Variants in RIN2 observed in about 807,000 individuals in gnomAD.
RIN2 encodes the protein RAB5 interacting protein 2.
Under a neutral mutation model 78.0 loss-of-function variants are expected in RIN2, and 36 were observed. The observed-to-expected ratio is 0.46, with a 90% CI of 0.35 to 0.61. RIN2 has a LOEUF of 0.61. RIN2 is among the 20% of genes least tolerant of loss of function. The pLI is 0.00. For missense variants in RIN2, 1,087 were observed against 1,159.7 expected, an observed-to-expected ratio of 0.94 and a Z score of 0.91; for synonymous variants, 466 against 466.8, an observed-to-expected ratio of 1.00 and a Z score of 0.02.
chr20:19,934,030 G>A (rs1197405214), intron 3 of RIN2, among the ~76,000 whole-genome samples: 2 of 152,000 alleles, frequency 1.3e-5, no homozygotes, highest in Non-Finnish European at 2.9e-5. Flanking sequence ...GGCTGGTCTT[G>A]AACTCCTGAC....
intron 2 of RIN2, among the ~76,000 whole-genome samples, chr20:19,885,980 G>A (rs6081795): frequency 0.027 from 4,158 of 152,060 alleles, 76 homozygotes; most frequent in African/African-American, 0.035. Flanking sequence ...GATGGGAAGG[G>A]TGGGGAAGGG....
rs1038354154 is a variant in RIN2, at chr20:19,894,494, C to T, written c.57+4836C>T. Among the ~76,000 whole-genome samples the T allele has an allele frequency of 5.3e-5, 8 of 152,286 alleles. No individual in the cohort carries two copies. The South Asian group carries it at 1.5e-3, about 28-fold the overall frequency. On this transcript the variant is annotated intron_variant, in intron 3 of 12. Coordinates refer to ENST00000255006, the MANE Select transcript of RIN2 (RefSeq NM_018993.4). ...CTCAAACTCCTAGCTTGAAGCAATC[C>T]TCCTGCTTTGGCTTCCCAAATCCCT... is the stretch of plus-strand genomic sequence containing the variant.
Position 19,943,975 on chromosome 20 carries a change from CTTTTT to C in RIN2, c.158+8799_158+8803del, listed in dbSNP as rs58524523. Among the ~76,000 whole-genome samples, 1,524 of 95,820 alleles carry C rather than the reference CTTTTT, an allele frequency of 0.016. 54 individuals carry two copies. The East Asian group carries it at 0.17, about 11-fold the overall frequency. 62.9% of individuals were successfully genotyped at this position (95,820 alleles called of 152,430 possible). On this transcript the variant is annotated intron_variant, in intron 4 of 12. Coordinates refer to ENST00000255006, the MANE Select transcript of RIN2 (RefSeq NM_018993.4). ...ACATGTTTAATTCCATTTCAATATC[CTTTTT>C]TTTTTTTTTTTTTTTTTTTTTTACC...
intron 5 of RIN2, among the ~76,000 whole-genome samples, chr20:19,957,368 G>A (rs1176790681): frequency 6.6e-6 from 1 of 152,160 alleles, no homozygotes; most frequent in African/African-American, 2.4e-5. Context: ...TCCACGACTT[G>A]TGGAAGGTCC....
chr20:19,872,367 A>G (rs1428547374), intron 2 of RIN2: 1 of 152,232 alleles, frequency 6.6e-6, no homozygotes, highest in African/African-American at 2.4e-5. Context: ...AATAGGCAGA[A>G]TTTGGATATA....
At chr20:19,840,824 A>G (rs895868179) in intron 2 of RIN2, among the ~76,000 whole-genome samples, 4 of 152,186 alleles carry the variant, frequency 2.6e-5, no homozygotes, top group Non-Finnish European at 5.9e-5. Flanking sequence ...AGAGCAATTG[A>G]TGAACAAATG....
chr20:19,785,556 T>A (rs554477091), intron 1 of RIN2, among the ~76,000 whole-genome samples: 1 of 152,284 alleles, frequency 6.6e-6, no homozygotes, highest in South Asian at 2.1e-4. Context: ...CCTTTTCCCA[T>A]CCACAGGCCT....
chr20:19,795,528 C>A (rs1188855179), intron 1 of RIN2, among the ~76,000 whole-genome samples: 1 of 151,926 alleles, frequency 6.6e-6, no homozygotes, highest in Admixed American at 6.6e-5. Context: ...TTTTTTATTG[C>A]CCTCTATTTT....
At chr20:19,826,999 G>C (rs2036112007) in intron 2 of RIN2, among the ~76,000 whole-genome samples, 1 of 126,632 alleles carries the variant, frequency 7.9e-6, no homozygotes, top group South Asian at 2.6e-4. Flanking sequence ...TTTTGAGACA[G>C]AGTTTCGCTC....
At chr20:19,804,694 A>G (rs1317775639) in intron 2 of RIN2, among the ~76,000 whole-genome samples, 1 of 152,200 alleles carries the variant, frequency 6.6e-6, no homozygotes, top group Non-Finnish European at 1.5e-5. Flanking sequence ...TTTTGGTATC[A>G]GGATTATGCT....
At chr20:19,797,055 G>C (rs756000886) in intron 1 of RIN2, among the ~76,000 whole-genome samples, 1 of 152,186 alleles carries the variant, frequency 6.6e-6, no homozygotes, top group Non-Finnish European at 1.5e-5. Context: ...GAGTGAAAGA[G>C]ATTGGAATAA....
At chr20:19,817,033 A>C (rs1045078673) in intron 2 of RIN2, among the ~76,000 whole-genome samples, 2 of 152,168 alleles carry the variant, frequency 1.3e-5, no homozygotes, top group Non-Finnish European at 2.9e-5. Flanking sequence ...GGAGACAAGA[A>C]GTGTGTACAT....
At chr20:19,883,953 T>C (rs1428996627) in intron 2 of RIN2, among the ~76,000 whole-genome samples, 1 of 151,538 alleles carries the variant, frequency 6.6e-6, no homozygotes, top group Non-Finnish European at 1.5e-5. Flanking sequence ...CCTAATTACA[T>C]TTTTAAAATA....
intron 2 of RIN2, among the ~76,000 whole-genome samples, chr20:19,888,525 C>G (rs1225724826): frequency 6.6e-6 from 1 of 152,246 alleles, no homozygotes; most frequent in Non-Finnish European, 1.5e-5. Flanking sequence ...TGCCTACCCA[C>G]CCCTGCAGCT....
At chr20:19,893,877 A>T (rs768327129) in intron 3 of RIN2, among the ~76,000 whole-genome samples, 30 of 152,314 alleles carry the variant, frequency 2.0e-4, no homozygotes, top group Non-Finnish European at 4.0e-4. Flanking sequence ...GTTTGAAACC[A>T]GCCTGGCCAA....
At chr20:19,926,743 A>G (rs187644514) in intron 3 of RIN2, among the ~76,000 whole-genome samples, 115 of 152,308 alleles carry the variant, frequency 7.6e-4, no homozygotes, top group Admixed American at 2.3e-3. Flanking sequence ...GACTTTTCCC[A>G]CACCCTAAGT....
intron 1 of RIN2, 70 bp from the exon 2 acceptor site, chr20:19,799,552 C>G (rs1030818258): frequency 6.6e-6 from 1 of 152,154 alleles, no homozygotes; most frequent in African/African-American, 2.4e-5. Flanking sequence ...GAAGCAAGTC[C>G]TCTGTGTGGT....
At chr20:19,868,358 CAG>C (rs960287717) in intron 2 of RIN2, among the ~76,000 whole-genome samples, 3 of 152,202 alleles carry the variant, frequency 2.0e-5, no homozygotes, top group South Asian at 2.1e-4. Context: ...GCTTGAGTAA[CAG>C]GGTAATTTTC....
At chr20:19,807,551 A>T (rs1043513859) in intron 2 of RIN2, among the ~76,000 whole-genome samples, 2 of 151,868 alleles carry the variant, frequency 1.3e-5, no homozygotes, top group African/African-American at 4.8e-5. Flanking sequence ...GGCTTTGTTC[A>T]CCTTAGAATT....
Sources: gnomAD v4.1 joint callset for allele counts (sites outside exome capture counted in the v4.1 genomes callset) on GRCh38, gnomAD v4.1.1 for gene constraint, MANE v1.5 for transcripts, NCBI Gene and HGNC (gene_info 2026-07-23, HGNC 2026-07-21) for gene names.